The following TRERF1 variants were observed in gnomAD, a reference collection of about 807,000 sequenced individuals.
TRERF1 encodes transcriptional regulating factor 1.
In TRERF1, 27 loss-of-function variants were observed where a neutral mutation model predicts 122.9. That is an observed-to-expected ratio of 0.22 (90% CI 0.16 to 0.30). The LOEUF (loss-of-function observed/expected upper bound fraction) is 0.30, where lower values mean the gene tolerates loss of function less well. TRERF1 is among the 10% of genes least tolerant of loss of function. The probability of loss-of-function intolerance (pLI) is 1.00; values close to 1 mark genes in which losing one functional copy is unlikely to be tolerated. For missense variants in TRERF1, 1,248 were observed against 1,560.3 expected (o/e 0.80, Z 3.37); for synonymous variants, 636 against 641.7 (o/e 0.99, Z 0.13).
At chr6:42,394,730 G>C (rs2151284964) in intron 2 of TRERF1, among the ~76,000 whole-genome samples, 1 of 152,132 alleles carries the variant, frequency 6.6e-6, no homozygotes, top group South Asian at 2.1e-4. Context: ...CAGGCTGAAA[G>C]TGAAATGTAC....
intron 3 of TRERF1, among the ~76,000 whole-genome samples, chr6:42,318,667 A>G (rs1762898197): frequency 6.6e-6 from 1 of 152,252 alleles, no homozygotes; most frequent in Non-Finnish European, 1.5e-5. Context: ...TTATGTAAAT[A>G]AAGCTTTATT....
At chr6:42,314,035 C>T (rs994402773) in intron 3 of TRERF1, among the ~76,000 whole-genome samples, 1 of 151,658 alleles carries the variant, frequency 6.6e-6, no homozygotes, top group Non-Finnish European at 1.5e-5. Flanking sequence ...GCTGGAGGTG[C>T]GGCCCTAAAG....
At chr6:42,387,755 C>T (rs1297938544) in intron 2 of TRERF1, among the ~76,000 whole-genome samples, 4 of 152,038 alleles carry the variant, frequency 2.6e-5, no homozygotes, top group Non-Finnish European at 5.9e-5. Flanking sequence ...GCCACATTTC[C>T]CACAAGAATT....
intron 4 of TRERF1, among the ~76,000 whole-genome samples, chr6:42,271,318 A>G (rs778317349): frequency 1.3e-5 from 2 of 152,146 alleles, no homozygotes; most frequent in African/African-American, 2.4e-5. Flanking sequence ...TTACGAAAAG[A>G]AGGGCAAACT....
chr6:42,234,341 CTTGT>C (rs1771578675), intron 16 of TRERF1, among the ~76,000 whole-genome samples: 1 of 147,076 alleles, frequency 6.8e-6, no homozygotes, highest in African/African-American at 2.6e-5. Context: ...TGTTTGTTTG[CTTGT>C]TTTTTTTTTT....
chr6:42,280,133 T>C (rs1782040455), intron 4 of TRERF1, among the ~76,000 whole-genome samples: 1 of 151,870 alleles, frequency 6.6e-6, no homozygotes, highest in South Asian at 2.1e-4. Context: ...CCGAGCTACA[T>C]ACTGGGCAAT....
chr6:42,392,121 C>T (rs73733172), intron 2 of TRERF1, among the ~76,000 whole-genome samples: 13,302 of 152,168 alleles, frequency 0.087, 863 homozygotes, highest in African/African-American at 0.18. Flanking sequence ...ATCTGTCTTG[C>T]TCATTGGAAG....
rs537786112 is a variant in TRERF1, at chr6:42,252,094, G to A, written c.2656+2757C>T. On this transcript the variant is annotated intron_variant, in intron 13 of 17. Coordinates refer to ENST00000372922, the Ensembl canonical transcript of TRERF1. ...GCAACAGAGGGCTGGACTGTGCATC[G>A]TGGTGGGGGTTGAGCGCCAGAAGCC... 2.0e-5 allele frequency among the ~76,000 whole-genome samples: 3 copies of A among 152,316 alleles called. No homozygotes were observed. In the East Asian group the frequency reaches 5.8e-4, roughly 29 times the overall value.
chr6:42,401,238 TAA>T (rs1779340411), intron 2 of TRERF1, among the ~76,000 whole-genome samples: 1 of 152,072 alleles, frequency 6.6e-6, no homozygotes, highest in African/African-American at 2.4e-5. Flanking sequence ...TTAATTACCA[TAA>T]AAAACCAGGC....
intron 2 of TRERF1, among the ~76,000 whole-genome samples, chr6:42,387,151 C>G (rs1319236013): frequency 6.6e-6 from 1 of 152,182 alleles, no homozygotes; most frequent in African/African-American, 2.4e-5. Flanking sequence ...TACACAGGAT[C>G]TAAGAATTAA....
rs750929886 is a variant in TRERF1 at position 42,228,365 on chromosome 6, G to A, written c.3583C>T (p.Gln1195Ter). The A allele has an allele frequency of 3.7e-6, 6 of 1,613,360 alleles. No individual in the cohort carries two copies. In the African/African-American group the frequency reaches 5.3e-5, roughly 14 times the overall value. Residue 1195 changes from glutamine (Q) to a stop codon, truncating the protein, a stop_gained, in exon 18 of 18, where the codon CAG (glutamine) becomes TAG (stop). Coordinates refer to ENST00000372922, the Ensembl canonical transcript of TRERF1. LOFTEE classifies it high-confidence loss of function. The surrounding 1 kb of genome is among the most constrained non-coding windows in gnomAD (Gnocchi z 4.2). Reference sequence around the variant, plus strand: ...GGGCTTTATAGTTCTGCGTCACCCTGAAGCAAGACTGAATCTTGATCATCC... The same window carrying A: ...GGGCTTTATAGTTCTGCGTCACCCTAAAGCAAGACTGAATCTTGATCATCC...
chr6:42,288,625 A>C lies in TRERF1; in HGVS notation c.-259+12013T>G, dbSNP rs141499591. Among the ~76,000 whole-genome samples the C allele has an allele frequency of 9.3e-5, 14 of 150,782 alleles. No homozygotes were observed. In the East Asian group the frequency reaches 2.8e-3, roughly 30 times the overall value. On this transcript the variant is annotated intron_variant, in intron 4 of 17. Transcript: ENST00000372922. ...AGAGAGACGGGGTTGTGACCTTGGC[A>C]GAAAAGTCAGGGAAGGATCCTCTGA... is the stretch of plus-strand genomic sequence containing the variant.
chr6:42,260,040 G>A (rs1426271339), intron 8 of TRERF1, among the ~76,000 whole-genome samples: 2 of 152,128 alleles, frequency 1.3e-5, no homozygotes, highest in Non-Finnish European at 2.9e-5. Context: ...ATCTGTTTGA[G>A]TGGAATCCAG....
intron 2 of TRERF1, among the ~76,000 whole-genome samples, chr6:42,415,763 T>A (rs1469195705): frequency 6.6e-6 from 1 of 152,178 alleles, no homozygotes; most frequent in Non-Finnish European, 1.5e-5. Context: ...TGTAGTTTTT[T>A]AAAATGTTTA....
intron 3 of TRERF1, among the ~76,000 whole-genome samples, chr6:42,354,406 C>T (rs1770111480): frequency 6.7e-6 from 1 of 150,122 alleles, no homozygotes; most frequent in South Asian, 2.1e-4. Context: ...TTCACATAAA[C>T]GCTTCATTTT....
intron 3 of TRERF1, among the ~76,000 whole-genome samples, chr6:42,339,927 TTAA>T (rs1230702875): frequency 6.6e-6 from 1 of 152,234 alleles, no homozygotes; most frequent in African/African-American, 2.4e-5. Flanking sequence ...AGTTTACTAC[TTAA>T]TACATATTCA....
chr6:42,303,230 T>C (rs1017457168), intron 3 of TRERF1, among the ~76,000 whole-genome samples: 2 of 152,176 alleles, frequency 1.3e-5, no homozygotes, highest in Non-Finnish European at 2.9e-5. Context: ...CCTACCTTCA[T>C]GGAGCTTACA....
chr6:42,408,375 T>C (rs141691426), intron 2 of TRERF1, among the ~76,000 whole-genome samples: 180 of 124,890 alleles, frequency 1.4e-3, no homozygotes, highest in East Asian at 6.1e-3. Flanking sequence ...ATATATATCT[T>C]TTTTTTTTTT....
intron 2 of TRERF1, among the ~76,000 whole-genome samples, chr6:42,382,962 C>T (rs562856370): frequency 4.6e-5 from 7 of 152,094 alleles, no homozygotes; most frequent in Non-Finnish European, 8.8e-5. Flanking sequence ...AAATCACTCC[C>T]AGTTGAGAAC....
Sources: gnomAD v4.1 joint callset for allele counts (sites outside exome capture counted in the v4.1 genomes callset) on GRCh38, gnomAD v4.1.1 for gene constraint, Gnocchi (gnomAD v3.1) non-coding constraint, MANE v1.5 for transcripts, NCBI Gene and HGNC (gene_info 2026-07-23, HGNC 2026-07-21) for gene names.